The following PDXDC1 variants were observed in gnomAD, a reference collection of about 807,000 sequenced individuals.
PDXDC1 encodes pyridoxal-dependent decarboxylase domain-containing protein 1.
PDXDC1 carries 42 observed loss-of-function variants against 100.1 expected under a neutral mutation model. That is an observed-to-expected ratio of 0.42 (90% confidence interval 0.33 to 0.54). PDXDC1 has a LOEUF of 0.54. Ranked by LOEUF, PDXDC1 falls within the 20% of genes least tolerant of loss-of-function variation. The pLI, the probability that PDXDC1 is intolerant of heterozygous loss-of-function variation, is 0.10. For missense variants in PDXDC1, 636 were observed against 979.2 expected, an observed-to-expected ratio of 0.65 and a Z score of 4.68; for synonymous variants, 260 against 371.7, an observed-to-expected ratio of 0.70 and a Z score of 3.46.
chr16:15,032,035 C>A, intron 17 of PDXDC1, 129 bp downstream of exon 17: 1 of 831,242 alleles, frequency 1.2e-6, no homozygotes, highest in Non-Finnish European at 1.9e-6. Flanking sequence ...GAAAATGCAA[C>A]TCGGTTTTCT....
At chr16:14,996,001 T>G (rs1045689168) in intron 1 of PDXDC1, among the ~76,000 whole-genome samples, 1 of 152,292 alleles carries the variant, frequency 6.6e-6, no homozygotes, top group Non-Finnish European at 1.5e-5. Flanking sequence ...CCTTTATCAT[T>G]CAATGAAACT....
chr16:14,975,463 G>T (rs1162654671), intron 1 of PDXDC1: 26 of 985,348 alleles, frequency 2.6e-5, no homozygotes, highest in Non-Finnish European at 3.0e-5. Context: ...GCCGCGACGG[G>T]CCCGGAGCCC....
At chr16:15,006,310 A>G in intron 5 of PDXDC1, 84 bp from the exon 6 acceptor site, 1 of 1,310,402 alleles carries the variant, frequency 7.6e-7, no homozygotes, top group Non-Finnish European at 1.0e-6. Context: ...TAGCTTGAGA[A>G]AAGAATTGTC....
intron 16 of PDXDC1, among the ~76,000 whole-genome samples, chr16:15,095,214 C>T (rs2046311501): frequency 1.3e-5 from 2 of 151,892 alleles, no homozygotes; most frequent in Non-Finnish European, 2.9e-5. Context: ...GCATAGGAAA[C>T]GGAGGAAACA....
At chr16:15,092,347 C>A (rs562477702) in intron 16 of PDXDC1, among the ~76,000 whole-genome samples, 4 of 152,262 alleles carry the variant, frequency 2.6e-5, no homozygotes, top group Admixed American at 2.6e-4. Flanking sequence ...AAAAAGGACA[C>A]TATTACTCTA....
intron 16 of PDXDC1, among the ~76,000 whole-genome samples, chr16:15,129,314 T>C (rs1039814156): frequency 6.6e-6 from 1 of 151,428 alleles, no homozygotes; most frequent in African/African-American, 2.4e-5. Flanking sequence ...GGCGTGCACC[T>C]GTACTCCCAG....
chr16:14,984,736 C>T (rs1968928545), intron 1 of PDXDC1, among the ~76,000 whole-genome samples: 1 of 152,142 alleles, frequency 6.6e-6, no homozygotes, highest in Non-Finnish European at 1.5e-5. Context: ...TCGTGATCCG[C>T]CCGCCTCTGC....
At chr16:15,143,968 C>G (rs1219910458), downstream of PDXDC1, among the ~76,000 whole-genome samples, 1 of 152,208 alleles carries the variant, frequency 6.6e-6, no homozygotes, top group African/African-American at 2.4e-5. Flanking sequence ...TCACTGGAAA[C>G]TGGGCTGGGG....
At chr16:15,034,217 T>C (rs1418215960) in intron 19 of PDXDC1, 69 bp from the exon 20 acceptor site, 2 of 1,340,728 alleles carry the variant, frequency 1.5e-6, no homozygotes, top group East Asian at 4.6e-5. Flanking sequence ...CTCAGTGCTG[T>C]GTTACTAGCT....
At chr16:15,020,636 C>T (rs2042120952) in intron 12 of PDXDC1, among the ~76,000 whole-genome samples, 2 of 151,638 alleles carry the variant, frequency 1.3e-5, no homozygotes, top group African/African-American at 4.8e-5. Context: ...TTGCAGTGAG[C>T]CGAGATTGCG....
chr16:15,028,442 C>T (rs1225287707), intron 14 of PDXDC1, among the ~76,000 whole-genome samples: 5 of 152,406 alleles, frequency 3.3e-5, no homozygotes, highest in Non-Finnish European at 4.4e-5. Flanking sequence ...TCTGTTTCCT[C>T]AACTAAAATG....
At chr16:15,104,407 AGGTGTCTTG>A (rs767490162) in intron 16 of PDXDC1, 21 of 1,454,710 alleles carry the variant, frequency 1.4e-5, no homozygotes, top group African/African-American at 5.1e-5. Context: ...CACACTTGGG[AGGTGTCTTG>A]AGATTATCAT....
chr16:15,087,689 A>AACC (rs545596820), intron 16 of PDXDC1, among the ~76,000 whole-genome samples: 126 of 152,360 alleles, frequency 8.3e-4, no homozygotes, highest in African/African-American at 3.0e-3. Flanking sequence ...CATTAACGGT[A>AACC]GCTCACTAAG....
intron 21 of PDXDC1, among the ~76,000 whole-genome samples, chr16:15,035,004 TG>T (rs1435459213): frequency 6.6e-6 from 1 of 152,174 alleles, no homozygotes; most frequent in African/African-American, 2.4e-5. Flanking sequence ...CGCTGGAATG[TG>T]GGGAGGGTGT....
intron 16 of PDXDC1, among the ~76,000 whole-genome samples, chr16:15,043,472 G>A (rs777941373): frequency 6.6e-6 from 1 of 152,218 alleles, no homozygotes; most frequent in Non-Finnish European, 1.5e-5. Flanking sequence ...AGCCCAGTAG[G>A]TTGAGGCTGC....
chr16:15,131,587 C>A (rs9940242), intron 16 of PDXDC1: 18 of 1,565,746 alleles, frequency 1.1e-5, no homozygotes, highest in East Asian at 2.3e-5. Context: ...CGTGAGGATG[C>A]GCATGAGGGC....
intron 16 of PDXDC1, chr16:15,137,364 G>C: frequency 6.6e-7 from 1 of 1,517,358 alleles, no homozygotes; most frequent in South Asian, 1.2e-5. Flanking sequence ...CTAGAGGGCT[G>C]GGCCGCCCCA....
At chr16:15,135,365 C>T (rs1205479467) in intron 16 of PDXDC1, 15 of 1,534,200 alleles carry the variant, frequency 9.8e-6, no homozygotes, top group Admixed American at 5.9e-5. Context: ...CAGCCGTTCC[C>T]GTGGAATGGT....
At chr16:15,053,790 A>C (rs1210591417) in intron 16 of PDXDC1, among the ~76,000 whole-genome samples, 1 of 152,176 alleles carries the variant, frequency 6.6e-6, no homozygotes, top group Non-Finnish European at 1.5e-5. Context: ...ATGCACCTGT[A>C]ATCCCAGCTA....
Sources: allele counts gnomAD v4.1 joint callset (sites outside exome capture counted in the v4.1 genomes callset), GRCh38; gene constraint gnomAD v4.1.1; transcripts MANE v1.5; gene names NCBI Gene and HGNC (gene_info 2026-07-23, HGNC 2026-07-21).